Variants in FOXO1 observed in about 807,000 individuals in gnomAD.
The protein encoded by FOXO1 is forkhead box O1, also known as forkhead box protein O1.
FOXO1 carries 6 observed loss-of-function variants against 44.1 expected under a neutral mutation model. That is an observed-to-expected ratio of 0.14 (90% CI 0.07 to 0.27). The LOEUF is 0.27. FOXO1 is among the 10% of genes least tolerant of loss of function. FOXO1 has a pLI of 1.00. For missense variants in FOXO1, 737 were observed against 888.8 expected, an observed-to-expected ratio of 0.83 and a Z score of 2.17; for synonymous variants, 380 against 362.7, an observed-to-expected ratio of 1.05 and a Z score of -0.54.
intron 1 of FOXO1, among the ~76,000 whole-genome samples, chr13:40,578,935 G>A (rs1874862827): frequency 6.6e-6 from 1 of 152,202 alleles, no homozygotes. Context: ...TGAAACTGAT[G>A]TTCAGCAGCA....
At chr13:40,655,554 A>C (rs1877827843) in intron 1 of FOXO1, among the ~76,000 whole-genome samples, 2 of 145,050 alleles carry the variant, frequency 1.4e-5, no homozygotes, top group African/African-American at 5.2e-5. Flanking sequence ...ACTGTCCCCC[A>C]CCCCTCATCA....
rs17061445 is a variant in FOXO1, at chr13:40,602,928, A to G, written c.631-42068T>C. Among the ~76,000 whole-genome samples the G allele has an allele frequency of 4.4e-3, 674 of 152,340 alleles. 12 individuals carry two copies. The highest frequency in any genetic ancestry group is 0.016 in the African/African-American group (654 of 41,586). On this transcript the variant is annotated intron_variant, in intron 1 of 2. Coordinates refer to ENST00000379561, the MANE Select transcript of FOXO1 (RefSeq NM_002015.4). ...ACTACCATAAAATTAGTAGAGTTCA[A>G]GGTCCCAATCCAGAGGCAACTTCAT...
In FOXO1 at chr13:40,619,301, A is replaced by C. The variant is rs1876529768; in HGVS notation, c.630+46282T>G. 4 of 436,758 alleles carry C rather than the reference A, an allele frequency of 9.2e-6. 1 individual carries two copies. Among genetic ancestry groups the C allele is most frequent in the South Asian group, 8.2e-5 (4 of 48,636 alleles). 27.1% of individuals were successfully genotyped at this position (436,758 alleles called of 1,614,324 possible). A position where few individuals can be genotyped will look rare whatever the true frequency, so the allele number is the denominator to read the frequency against. On this transcript the variant is annotated intron_variant, in intron 1 of 2. Transcript: ENST00000379561. ...AAGAGTGAAACTCCATCTCAAAAAA[A>C]TAAAATGAAATAAAGAAATGGAACA...
chr13:40,664,040 C>T (rs145183916), intron 1 of FOXO1, among the ~76,000 whole-genome samples: 60 of 152,244 alleles, frequency 3.9e-4, no homozygotes, highest in East Asian at 2.9e-3. Context: ...TTTGGGAGGC[C>T]GAGGCGGGCC....
intron 1 of FOXO1, among the ~76,000 whole-genome samples, chr13:40,652,458 G>A (rs1436917597): frequency 1.3e-5 from 2 of 151,948 alleles, no homozygotes; most frequent in Non-Finnish European, 2.9e-5. Flanking sequence ...GGCTGGTATC[G>A]AACTCCTAAC....
At chr13:40,593,021 TTTTTG>T (rs751936565) in intron 1 of FOXO1, among the ~76,000 whole-genome samples, 16 of 152,032 alleles carry the variant, frequency 1.1e-4, no homozygotes, top group Non-Finnish European at 1.8e-4. Flanking sequence ...TTTGGGGGCT[TTTTTG>T]TTTTGTTTTG....
chr13:40,623,938 AT>A (rs11459608), intron 1 of FOXO1, among the ~76,000 whole-genome samples: 40 of 135,710 alleles, frequency 2.9e-4, no homozygotes, highest in Non-Finnish European at 4.4e-4. Flanking sequence ...AAAAAAAAAA[AT>A]TTTTTTTTTT....
chr13:40,563,536 C>A (rs552433634), intron 1 of FOXO1, among the ~76,000 whole-genome samples: 4 of 152,106 alleles, frequency 2.6e-5, no homozygotes, highest in African/African-American at 9.7e-5. Flanking sequence ...CCCAGATTCC[C>A]GGCTGGAACG....
At chr13:40,606,411 G>C (rs900932360) in intron 1 of FOXO1, among the ~76,000 whole-genome samples, 1 of 152,144 alleles carries the variant, frequency 6.6e-6, no homozygotes, top group Non-Finnish European at 1.5e-5. Context: ...CTAGATTCAA[G>C]TGATTCTCCT....
chr13:40,604,670 G>T (rs1875934008), intron 1 of FOXO1, among the ~76,000 whole-genome samples: 1 of 152,022 alleles, frequency 6.6e-6, no homozygotes, highest in East Asian at 1.9e-4. Flanking sequence ...AACATGCCAT[G>T]ACAACAGGAG....
intron 1 of FOXO1, among the ~76,000 whole-genome samples, chr13:40,615,391 C>T (rs941131070): frequency 2.0e-5 from 3 of 151,996 alleles, no homozygotes; most frequent in Non-Finnish European, 2.9e-5. Flanking sequence ...ACAATTTAAC[C>T]GGGCATGGGG....
chr13:40,565,277 TC>T (rs1874222955), intron 1 of FOXO1, among the ~76,000 whole-genome samples: 1 of 152,146 alleles, frequency 6.6e-6, no homozygotes, highest in African/African-American at 2.4e-5. Context: ...GAACATGCCC[TC>T]CAGAAGCTTT....
At chr13:40,643,968 T>C (rs1877434699) in intron 1 of FOXO1, among the ~76,000 whole-genome samples, 2 of 152,184 alleles carry the variant, frequency 1.3e-5, no homozygotes, top group African/African-American at 4.8e-5. Context: ...TGGTTACCAA[T>C]GCAGAAACAG....
intron 1 of FOXO1, among the ~76,000 whole-genome samples, chr13:40,635,405 C>T (rs1349658162): frequency 6.6e-6 from 1 of 152,126 alleles, no homozygotes; most frequent in African/African-American, 2.4e-5. Context: ...CTTTAACCCA[C>T]GAAGGTTAAG....
At chr13:40,639,129 G>A (rs1593410459) in intron 1 of FOXO1, among the ~76,000 whole-genome samples, 1 of 152,160 alleles carries the variant, frequency 6.6e-6, no homozygotes, top group African/African-American at 2.4e-5. Context: ...GGGAGCAGGG[G>A]GTTGCAGTGA....
intron 1 of FOXO1, among the ~76,000 whole-genome samples, chr13:40,661,370 G>A (rs1878031390): frequency 6.6e-6 from 1 of 151,916 alleles, no homozygotes; most frequent in Non-Finnish European, 1.5e-5. Flanking sequence ...CCGCCTTCTA[G>A]GTTCAAGCGA....
chr13:40,586,569 G>A (rs966083242), intron 1 of FOXO1, among the ~76,000 whole-genome samples: 40 of 152,200 alleles, frequency 2.6e-4, no homozygotes, highest in African/African-American at 9.2e-4. Flanking sequence ...GGGAAATAGT[G>A]TGTAGGGATA....
At chr13:40,602,477 G>T (rs1212110016) in intron 1 of FOXO1, among the ~76,000 whole-genome samples, 1 of 152,122 alleles carries the variant, frequency 6.6e-6, no homozygotes, top group African/African-American at 2.4e-5. Flanking sequence ...TCCCTTAGGG[G>T]ATTAAATGTG....
intron 1 of FOXO1, among the ~76,000 whole-genome samples, chr13:40,577,062 A>G (rs1007169913): frequency 6.6e-6 from 1 of 152,250 alleles, no homozygotes; most frequent in Non-Finnish European, 1.5e-5. Flanking sequence ...TGCATTAGTC[A>G]GTACCCTGGT....
Sources: gnomAD v4.1 joint callset for allele counts (sites outside exome capture counted in the v4.1 genomes callset) on GRCh38, gnomAD v4.1.1 for gene constraint, MANE v1.5 for transcripts, NCBI Gene and HGNC (gene_info 2026-07-23, HGNC 2026-07-21) for gene names.